PRDM1: variants seen among roughly 807,000 people sequenced by gnomAD.
PRDM1 encodes PR domain zinc finger protein 1.
PRDM1 carries 13 observed loss-of-function variants against 62.8 expected under a neutral mutation model. The observed-to-expected ratio is 0.21, with a 90% CI of 0.13 to 0.33. The LOEUF is 0.33. Ranked by LOEUF, PRDM1 falls within the 10% of genes least tolerant of loss-of-function variation. The pLI, the probability that PRDM1 is intolerant of heterozygous loss-of-function variation, is 1.00. For missense variants in PRDM1, 895 were observed against 1,058.8 expected (o/e 0.85, Z 2.15); for synonymous variants, 396 against 417.6 (o/e 0.95, Z 0.63).
At chr6:106,036,905 C>G (rs1772932206) in intron 1 of PRDM1, among the ~76,000 whole-genome samples, 1 of 152,146 alleles carries the variant, frequency 6.6e-6, no homozygotes, top group Non-Finnish European at 1.5e-5. Context: ...CCTCAAACTC[C>G]TGGACTCAAG....
At chr6:106,087,239 A>G in intron 1 of PRDM1, among the ~76,000 whole-genome samples, 1 of 152,178 alleles carries the variant, frequency 6.6e-6, no homozygotes, top group Non-Finnish European at 1.5e-5. Flanking sequence ...ATCCTCATCA[A>G]TGTACAAGTG....
chr6:106,107,372 G>A lies in PRDM1; in HGVS notation c.2364G>A (p.Gly788=). Residue 788 remains glycine (G), a synonymous_variant, in exon 7 of 7, where the codon GGG becomes GGA. Coordinates refer to ENST00000369096, the MANE Select transcript of PRDM1 (RefSeq NM_001198.4). Reference sequence around the variant, plus strand: ...TGGGGAATGGACTCCTCTCCTCAGGGTGCAGCCTTTATGAGTCATCAGATC... The same window carrying A: ...TGGGGAATGGACTCCTCTCCTCAGGATGCAGCCTTTATGAGTCATCAGATC... The part of the protein sequence containing the change: ...RNMGNGLLSS[G]CSLYESSDLP... 5.0e-6 allele frequency: 8 copies of A among 1,613,856 alleles called. No homozygotes were observed. The highest frequency in any genetic ancestry group is 6.8e-6 in the Non-Finnish European group (8 of 1,179,964).
At chr6:106,098,249 C>A (rs780519731) in intron 3 of PRDM1, 1 of 985,064 alleles carries the variant, frequency 1.0e-6, no homozygotes, top group Non-Finnish European at 1.2e-6. Context: ...TTCTTAAAGT[C>A]TAAAGTAAAG....
At chr6:106,028,859 T>C (rs2114565198) in intron 1 of PRDM1, among the ~76,000 whole-genome samples, 1 of 152,132 alleles carries the variant, frequency 6.6e-6, no homozygotes, top group East Asian at 1.9e-4. Context: ...AATTAGACTG[T>C]ATTTTCTAGA....
At position 106,026,492 on chromosome 6, in the gene PRDM1, A is replaced by AAAT. The variant is rs539249482; in HGVS notation, c.-67+32868_-67+32870dup. Among the ~76,000 whole-genome samples, 359 of 151,832 alleles carry AAAT rather than the reference A, an allele frequency of 2.4e-3. 2 individuals carry two copies. Among genetic ancestry groups the AAAT allele is most frequent in the Non-Finnish European group, 4.2e-3 (285 of 67,932 alleles). On this transcript the variant is annotated intron_variant, in intron 1 of 6. Transcript: ENST00000652320. ...GAAACTCCATCTCAAAAATAATAAT[A>AAAT]AATAATAATAATAATAAAATAAAAT...
chr6:105,995,896 CTG>C (rs899603391), intron 1 of PRDM1, among the ~76,000 whole-genome samples: 8 of 152,154 alleles, frequency 5.3e-5, no homozygotes, highest in African/African-American at 1.9e-4. Context: ...CTTTTAAACA[CTG>C]TGGTTCAAAA....
chr6:106,090,409 G>C (rs1263336608), intron 2 of PRDM1, among the ~76,000 whole-genome samples: 1 of 152,180 alleles, frequency 6.6e-6, no homozygotes, highest in African/African-American at 2.4e-5. Flanking sequence ...TGAAGCGCTT[G>C]AATAGAGGAT....
chr6:106,079,465 G>T (rs935855723), intron 1 of PRDM1, among the ~76,000 whole-genome samples: 1 of 152,074 alleles, frequency 6.6e-6, no homozygotes, highest in Non-Finnish European at 1.5e-5. Context: ...GATGAATATT[G>T]TATCTTGTAT....
Position 106,099,437 on chromosome 6 carries a change from C to T in PRDM1, c.549C>T (p.Tyr183=). ...CGTGTCAGAACGGGATGAACATCTA[C>T]TTCTACACCATTAAGCCCATCCCTG... is the stretch of plus-strand genomic sequence containing the variant. ...LAACQNGMNI[Y]FYTIKPIPAN... Residue 183 remains tyrosine (Y), a synonymous_variant, in exon 4 of 7, where the codon TAC becomes TAT. Coordinates refer to ENST00000369096, the MANE Select transcript of PRDM1 (RefSeq NM_001198.4). The T allele has an allele frequency of 6.2e-7, 1 of 1,614,236 alleles. No homozygotes were observed. The highest frequency in any genetic ancestry group is 8.5e-7 in the Non-Finnish European group (1 of 1,180,040).
At chr6:106,042,900 G>A (rs536251612) in intron 1 of PRDM1, among the ~76,000 whole-genome samples, 6 of 152,284 alleles carry the variant, frequency 3.9e-5, no homozygotes, top group African/African-American at 1.4e-4. Context: ...ACCTAGGCTG[G>A]AATGCAATGG....
chr6:106,035,705 T>C (rs1772916530), intron 1 of PRDM1, among the ~76,000 whole-genome samples: 1 of 152,226 alleles, frequency 6.6e-6, no homozygotes, highest in African/African-American at 2.4e-5. Context: ...AATTACTATT[T>C]ATATGGGATA....
intron 1 of PRDM1, among the ~76,000 whole-genome samples, chr6:106,022,426 ATTTT>A (rs67542176): frequency 1.5e-5 from 2 of 132,736 alleles, no homozygotes; most frequent in Non-Finnish European, 3.2e-5. Flanking sequence ...CGCCCAGCTA[ATTTT>A]TTTTTTTTTT....
chr6:105,996,241 A>G (rs75496377), intron 1 of PRDM1, among the ~76,000 whole-genome samples: 210 of 152,296 alleles, frequency 1.4e-3, no homozygotes, highest in Middle Eastern at 3.4e-3. Context: ...CGGTGTTGTC[A>G]AACTTCCAGT....
rs531684394 is a variant in PRDM1 at position 106,010,727 on chromosome 6, G to A, written c.-67+17088G>A. Among the ~76,000 whole-genome samples, 14 of 152,230 alleles carry A rather than the reference G, an allele frequency of 9.2e-5. No individual in the cohort carries two copies. The South Asian group carries it at 2.1e-3, about 23-fold the overall frequency. On this transcript the variant is annotated intron_variant, in intron 1 of 6. Coordinates refer to the PRDM1 transcript ENST00000652320. ...CTAGAATTCTCTGAAGCATGACACC[G>A]TGGAGCCGTATTATCACCACGTGCC... is the stretch of plus-strand genomic sequence containing the variant.
At chr6:106,078,595 G>T (rs371738850) in intron 1 of PRDM1, among the ~76,000 whole-genome samples, 1 of 152,228 alleles carries the variant, frequency 6.6e-6, no homozygotes, top group Non-Finnish European at 1.5e-5. Context: ...AGCATGGCTG[G>T]GCGCAGTGGC....
At chr6:106,001,520 G>T (rs1427155623) in intron 1 of PRDM1, among the ~76,000 whole-genome samples, 1 of 152,092 alleles carries the variant, frequency 6.6e-6, no homozygotes, top group East Asian at 1.9e-4. Flanking sequence ...ATGTATTGTT[G>T]TTGTTATGAG....
At chr6:105,995,947 C>T (rs982761618) in intron 1 of PRDM1, among the ~76,000 whole-genome samples, 1 of 152,176 alleles carries the variant, frequency 6.6e-6, no homozygotes, top group African/African-American at 2.4e-5. Flanking sequence ...ATAGTGGCAC[C>T]ATTTCCTTGC....
At chr6:106,010,113 C>T (rs1159799742) in intron 1 of PRDM1, among the ~76,000 whole-genome samples, 1 of 152,184 alleles carries the variant, frequency 6.6e-6, no homozygotes, top group African/African-American at 2.4e-5. Flanking sequence ...GTGCCCAGTT[C>T]CCCTCTCTGC....
chr6:106,007,253 A>G (rs1034982765), intron 1 of PRDM1, among the ~76,000 whole-genome samples: 1 of 151,732 alleles, frequency 6.6e-6, no homozygotes, highest in Non-Finnish European at 1.5e-5. Flanking sequence ...AACACGGTGA[A>G]ACTCCATCTC....
Sources: gnomAD v4.1 joint callset for allele counts (sites outside exome capture counted in the v4.1 genomes callset) on GRCh38, gnomAD v4.1.1 for gene constraint, MANE v1.5 for transcripts, NCBI Gene and HGNC (gene_info 2026-07-23, HGNC 2026-07-21) for gene names.